PGBD5: variants seen among roughly 807,000 people sequenced by gnomAD.
The protein encoded by PGBD5 is piggyBac transposable element derived 5, also known as piggyBac transposable element-derived protein 5.
Under a neutral mutation model 47.9 loss-of-function variants are expected in PGBD5, and 14 were observed. That is an observed-to-expected ratio of 0.29 (90% CI 0.19 to 0.46). The LOEUF (loss-of-function observed/expected upper bound fraction) is 0.46, where lower values mean the gene tolerates loss of function less well. Among genes scored for constraint, PGBD5 ranks in the 20% least tolerant of loss-of-function variants. The probability of loss-of-function intolerance (pLI) is 1.00; values close to 1 mark genes in which losing one functional copy is unlikely to be tolerated. For missense variants in PGBD5, 635 were observed against 716.0 expected, an observed-to-expected ratio of 0.89 and a Z score of 1.29; for synonymous variants, 316 against 306.3, an observed-to-expected ratio of 1.03 and a Z score of -0.33.
intron 2 of PGBD5, among the ~76,000 whole-genome samples, chr1:230,352,744 A>G (rs1667577957): frequency 6.6e-6 from 1 of 152,152 alleles, no homozygotes; most frequent in African/African-American, 2.4e-5. Flanking sequence ...TGTAGCTCAT[A>G]AAACATTCAA....
chr1:230,332,885 T>G lies in PGBD5; in HGVS notation c.1232A>C (p.His411Pro). 6.2e-7 allele frequency: 1 copy of G among 1,614,206 alleles called. No individual in the cohort carries two copies. Among genetic ancestry groups the G allele is most frequent in the South Asian group, 1.1e-5 (1 of 91,086 alleles). The change falls in exon 5 of 7, where the codon CAC (histidine) becomes CCC (proline). Residue 411 changes from histidine to proline, a missense_variant. Physicochemically the swap from His to Pro is moderately conservative, Grantham distance 77. Transcript: ENST00000391860. ...GTAGGCGTTGGTCAGGAAGCGGAAG[T>G]GTCCTTTGTTGTACCAGCAGATCAA... ...MSLICWYNKGHFRFLTNAYSP... is the reference protein window; with the variant it reads ...MSLICWYNKGPFRFLTNAYSP...
At chr1:230,417,740 G>C (rs1042736942) in intron 1 of PGBD5, among the ~76,000 whole-genome samples, 1 of 152,182 alleles carries the variant, frequency 6.6e-6, no homozygotes, top group African/African-American at 2.4e-5. Flanking sequence ...TGTTTTCCCT[G>C]ATCACAGCAT....
intron 1 of PGBD5, among the ~76,000 whole-genome samples, chr1:230,407,002 T>G (rs1657314056): frequency 6.6e-6 from 1 of 152,094 alleles, no homozygotes; most frequent in Admixed American, 6.5e-5. Flanking sequence ...ACCCAGATAA[T>G]TTTTGTATTT....
Position 230,408,854 on chromosome 1 carries a change from T to C in PGBD5, c.331+16744A>G, listed in dbSNP as rs551303241. On this transcript the variant is annotated intron_variant, in intron 1 of 6. Transcript: ENST00000391860. ...AAGCAACCAGAGAAAAATAGATACA[T>C]GGGATGTCACAAAATGTACAACTTT... is the stretch of plus-strand genomic sequence containing the variant. Among the ~76,000 whole-genome samples the C allele has an allele frequency of 3.9e-5, 6 of 152,192 alleles. No homozygotes were observed. In the South Asian group the frequency reaches 1.2e-3, roughly 32 times the overall value.
intron 1 of PGBD5, chr1:230,367,952 C>G (rs756161200): frequency 1.1e-5 from 15 of 1,365,660 alleles, no homozygotes; most frequent in Non-Finnish European, 1.5e-5. Flanking sequence ...AGCTGGCACA[C>G]CAAGGAGCTC....
rs932562245 is a variant in PGBD5 at position 230,325,350 on chromosome 1, G to A, written c.1339C>T (p.His447Tyr). 3.7e-6 allele frequency: 6 copies of A among 1,613,734 alleles called. No individual in the cohort carries two copies. The highest frequency in any genetic ancestry group is 1.3e-5 in the African/African-American group (1 of 74,936). ...TCGTATCTGCAGATGTAGCTCAGGT[G>A]AGCGGCAAACGCCTCCACGGCCAAG... ...CPLAVEAFAA[H>Y]LSYICRYDDK... The change falls in exon 6 of 7, where the codon CAC (histidine) becomes TAC (tyrosine). Residue 447 changes from histidine to tyrosine, a missense_variant. Transcript: ENST00000391860.
In PGBD5 at chr1:230,319,912, G is replaced by A. The variant is rs1667011757; in HGVS notation, c.*3513C>T. The A allele has an allele frequency of 6.9e-6, 1 of 145,164 alleles. No homozygotes were observed. Among genetic ancestry groups the A allele is most frequent in the African/African-American group, 2.6e-5 (1 of 38,902 alleles). The allele number at this position is 145,164 out of a possible 1,614,324, so 9.0% of individuals were successfully genotyped here. ...GGAGTCTCGCTCTGTCACCCAGGCT[G>A]GAGTGCAGTGGTGCGATCTTGGCTC... On this transcript the variant is annotated 3_prime_UTR_variant, in exon 7 of 7. Transcript: ENST00000391860.
intron 3 of PGBD5, among the ~76,000 whole-genome samples, chr1:230,347,926 T>A (rs1185684291): frequency 6.6e-6 from 1 of 152,196 alleles, no homozygotes; most frequent in African/African-American, 2.4e-5. Flanking sequence ...CATTTTCTCA[T>A]GGCCAGGGCA....
intron 1 of PGBD5, among the ~76,000 whole-genome samples, chr1:230,401,105 C>T (rs1275082062): frequency 6.6e-6 from 1 of 152,230 alleles, no homozygotes; most frequent in Non-Finnish European, 1.5e-5. Flanking sequence ...CTAACATTTA[C>T]CAGAAGGCAC....
chr1:230,384,266 GT>G (rs1293792514), intron 1 of PGBD5, among the ~76,000 whole-genome samples: 3 of 152,156 alleles, frequency 2.0e-5, no homozygotes, highest in African/African-American at 7.2e-5. Context: ...TACTTTCAAT[GT>G]TGTGACTCTG....
rs146946038 is a variant in PGBD5, at chr1:230,319,427, G to GTT, written c.*3996_*3997dup. 3,350 of 149,756 alleles carry GTT rather than the reference G, an allele frequency of 0.022. 62 individuals carry two copies. Among genetic ancestry groups the GTT allele is most frequent in the South Asian group, 0.069 (326 of 4,724 alleles). 9.3% of individuals were successfully genotyped at this position (149,756 alleles called of 1,614,324 possible). ...CCCAATCCCAGGCAAGTGGGGAAAT[G>GTT]TTTTTTTTTTGCCATGAATGCAGAC... On this transcript the variant is annotated 3_prime_UTR_variant, in exon 7 of 7. Transcript: ENST00000391860.
intron 1 of PGBD5, among the ~76,000 whole-genome samples, chr1:230,397,139 G>A (rs761460047): frequency 2.0e-4 from 31 of 152,146 alleles, no homozygotes; most frequent in Non-Finnish European, 3.8e-4. Flanking sequence ...TTGCCCACCC[G>A]CACACGCGCC....
At chr1:230,401,318 A>G (rs900233286) in intron 1 of PGBD5, among the ~76,000 whole-genome samples, 2 of 152,180 alleles carry the variant, frequency 1.3e-5, no homozygotes, top group Non-Finnish European at 2.9e-5. Context: ...GCGGGTCAGC[A>G]TATGCGCATG....
At chr1:230,396,075 T>C (rs944024614) in intron 1 of PGBD5, among the ~76,000 whole-genome samples, 1 of 147,472 alleles carries the variant, frequency 6.8e-6, no homozygotes, top group Non-Finnish European at 1.5e-5. Flanking sequence ...CCATCTTCCC[T>C]TTGCTTCCCT....
intron 1 of PGBD5, among the ~76,000 whole-genome samples, chr1:230,409,275 ACAGT>A (rs1358425282): frequency 6.6e-6 from 1 of 152,228 alleles, no homozygotes; most frequent in Non-Finnish European, 1.5e-5. Context: ...GTAAAATGGT[ACAGT>A]CACTTTGGAA....
intron 1 of PGBD5, among the ~76,000 whole-genome samples, chr1:230,365,491 G>T (rs953999093): frequency 2.0e-5 from 3 of 152,080 alleles, no homozygotes; most frequent in Non-Finnish European, 4.4e-5. Flanking sequence ...CAAGGCACCC[G>T]TACACATAAA....
At chr1:230,415,781 T>C (rs1657498682) in intron 1 of PGBD5, among the ~76,000 whole-genome samples, 1 of 152,212 alleles carries the variant, frequency 6.6e-6, no homozygotes, top group African/African-American at 2.4e-5. Context: ...GCAATGATCA[T>C]CTTTGGTTCA....
chr1:230,416,559 G>A (rs967060928), intron 1 of PGBD5, among the ~76,000 whole-genome samples: 9 of 152,188 alleles, frequency 5.9e-5, no homozygotes, highest in Non-Finnish European at 1.0e-4. Context: ...TTTTAGATGG[G>A]TAAAGACAGT....
intron 3 of PGBD5, among the ~76,000 whole-genome samples, chr1:230,343,253 G>A (rs1667433475): frequency 6.6e-6 from 1 of 152,180 alleles, no homozygotes; most frequent in African/African-American, 2.4e-5. Flanking sequence ...CTCAAAGCCT[G>A]AGGTGGTTCT....
Sources: gnomAD v4.1 joint callset for allele counts (sites outside exome capture counted in the v4.1 genomes callset) on GRCh38, gnomAD v4.1.1 for gene constraint, MANE v1.5 for transcripts, NCBI Gene and HGNC (gene_info 2026-07-23, HGNC 2026-07-21) for gene names.